Variants in SKAP2 observed in about 807,000 individuals in gnomAD.
SKAP2 encodes the protein src kinase associated phosphoprotein 2, also known as src kinase-associated phosphoprotein 2.
In SKAP2, 28 loss-of-function variants were observed where a neutral mutation model predicts 54.9. That is an observed-to-expected ratio of 0.51 (90% CI 0.38 to 0.70). The LOEUF (loss-of-function observed/expected upper bound fraction) is 0.70, where lower values mean the gene tolerates loss of function less well. Among genes scored for constraint, SKAP2 ranks in the 30% least tolerant of loss-of-function variants. SKAP2 has a pLI of 0.00. For missense variants in SKAP2, 356 were observed against 424.1 expected (o/e 0.84, Z 1.41); for synonymous variants, 137 against 134.3 (o/e 1.02, Z -0.14).
At chr7:26,804,603 G>A (rs888306763) in intron 4 of SKAP2, among the ~76,000 whole-genome samples, 1 of 151,994 alleles carries the variant, frequency 6.6e-6, no homozygotes, top group Admixed American at 6.6e-5. Flanking sequence ...GCCAGGCATG[G>A]TGGCACGCAC....
chr7:26,800,049 A>G (rs1387808224), intron 4 of SKAP2, among the ~76,000 whole-genome samples: 2 of 152,042 alleles, frequency 1.3e-5, no homozygotes, highest in African/African-American at 2.4e-5. Flanking sequence ...GCATGAACCC[A>G]GGAGGTGGAG....
chr7:26,839,248 A>C (rs985368057), intron 4 of SKAP2, among the ~76,000 whole-genome samples: 1 of 152,130 alleles, frequency 6.6e-6, no homozygotes, highest in African/African-American at 2.4e-5. Flanking sequence ...CCAATTGCAC[A>C]ATATATACCT....
intron 4 of SKAP2, among the ~76,000 whole-genome samples, chr7:26,745,496 G>C (rs564252236): frequency 6.4e-4 from 98 of 152,266 alleles, no homozygotes; most frequent in South Asian, 2.7e-3. Context: ...CACCTCCTGG[G>C]GGGAGATAGA....
intron 4 of SKAP2, among the ~76,000 whole-genome samples, chr7:26,763,050 C>T (rs1213018084): frequency 6.6e-6 from 1 of 152,102 alleles, no homozygotes; most frequent in Non-Finnish European, 1.5e-5. Context: ...TCTCACTGAC[C>T]AATTGAAGTT....
At chr7:26,817,384 A>G (rs1784289083) in intron 4 of SKAP2, among the ~76,000 whole-genome samples, 1 of 152,134 alleles carries the variant, frequency 6.6e-6, no homozygotes, top group Non-Finnish European at 1.5e-5. Flanking sequence ...GATAACGGAC[A>G]CTATTAAAAC....
At chr7:26,833,809 G>C (rs1172464897) in intron 4 of SKAP2, among the ~76,000 whole-genome samples, 1 of 152,024 alleles carries the variant, frequency 6.6e-6, no homozygotes, top group African/African-American at 2.4e-5. Flanking sequence ...AATTAACAAG[G>C]ATATTCAGGA....
intron 9 of SKAP2, among the ~76,000 whole-genome samples, chr7:26,709,636 T>G (rs538323707): frequency 4.7e-4 from 72 of 152,318 alleles, no homozygotes; most frequent in African/African-American, 1.7e-3. Context: ...AAATATAAAA[T>G]GTACCATTTG....
intron 9 of SKAP2, among the ~76,000 whole-genome samples, chr7:26,721,325 T>C (rs932028869): frequency 2.0e-5 from 3 of 152,180 alleles, no homozygotes; most frequent in Admixed American, 6.5e-5. Flanking sequence ...TTTGTGTCCA[T>C]TTGCTGTAAA....
chr7:26,758,667 T>TA (rs1782857320), intron 4 of SKAP2, among the ~76,000 whole-genome samples: 1 of 152,150 alleles, frequency 6.6e-6, no homozygotes, highest in Admixed American at 6.6e-5. Flanking sequence ...TGTTGTGACA[T>TA]AAAGAAAACA....
intron 4 of SKAP2, among the ~76,000 whole-genome samples, chr7:26,789,090 G>A (rs1241646084): frequency 6.6e-6 from 1 of 152,090 alleles, no homozygotes; most frequent in Non-Finnish European, 1.5e-5. Context: ...GTTCTACTCT[G>A]TTAGAGTATA....
At chr7:26,752,939 A>C (rs1782716495) in intron 4 of SKAP2, among the ~76,000 whole-genome samples, 1 of 152,146 alleles carries the variant, frequency 6.6e-6, no homozygotes, top group African/African-American at 2.4e-5. Context: ...GCCTGAGTCT[A>C]CTCTTCAGTA....
chr7:26,674,344 T>C (rs945585106), intron 11 of SKAP2, among the ~76,000 whole-genome samples: 1 of 152,214 alleles, frequency 6.6e-6, no homozygotes, highest in African/African-American at 2.4e-5. Flanking sequence ...TGTAATACTA[T>C]GAAAACTAGA....
intron 5 of SKAP2, 33 bp downstream of exon 5, chr7:26,739,854 T>C: frequency 2.0e-6 from 3 of 1,472,974 alleles, no homozygotes; most frequent in Non-Finnish European, 2.8e-6. Flanking sequence ...GATGAAATTA[T>C]TTTTACATTT....
chr7:26,830,503 T>C (rs1420875339), intron 4 of SKAP2, among the ~76,000 whole-genome samples: 3 of 152,284 alleles, frequency 2.0e-5, no homozygotes, highest in African/African-American at 7.2e-5. Context: ...AAATGATCTC[T>C]TTTAACTCAA....
At chr7:26,793,276 G>A (rs1262980604) in intron 4 of SKAP2, among the ~76,000 whole-genome samples, 1 of 152,270 alleles carries the variant, frequency 6.6e-6, no homozygotes, top group Non-Finnish European at 1.5e-5. Flanking sequence ...TCTCCAAAAT[G>A]AGAAAAGGTT....
intron 4 of SKAP2, among the ~76,000 whole-genome samples, chr7:26,798,127 A>G (rs10246641): frequency 0.36 from 53,934 of 151,746 alleles, 9,933 homozygotes; most frequent in African/African-American, 0.42. Context: ...CAAAGGTTAA[A>G]GCATTTAATA....
At position 26,854,775 on chromosome 7, in the gene SKAP2, A is replaced by C. The variant is rs1480141230; in HGVS notation, c.173+10T>G. The C allele has an allele frequency of 6.3e-7, 1 of 1,582,228 alleles. No individual in the cohort carries two copies. The highest frequency in any genetic ancestry group is 8.6e-7 in the Non-Finnish European group (1 of 1,160,388). ...GTAAGAAATCAGTAAACAAAAGGTA[A>C]GTGACTTACATAGACTTTACATCTT... On this transcript the variant is annotated intron_variant, in intron 2 of 12. Coordinates refer to ENST00000345317, the MANE Select transcript of SKAP2 (RefSeq NM_003930.5).
chr7:26,815,270 A>C (rs1293056570), intron 4 of SKAP2, among the ~76,000 whole-genome samples: 1 of 152,188 alleles, frequency 6.6e-6, no homozygotes, highest in African/African-American at 2.4e-5. Context: ...TGAATGAAAC[A>C]GAAAACCTGT....
intron 4 of SKAP2, among the ~76,000 whole-genome samples, chr7:26,768,619 T>C (rs1294949863): frequency 6.6e-6 from 1 of 152,240 alleles, no homozygotes; most frequent in African/African-American, 2.4e-5. Flanking sequence ...CCATGTTTAA[T>C]GCTTCCTTCA....
Sources: allele counts gnomAD v4.1 joint callset (sites outside exome capture counted in the v4.1 genomes callset), GRCh38; gene constraint gnomAD v4.1.1; transcripts MANE v1.5; gene names NCBI Gene and HGNC (gene_info 2026-07-23, HGNC 2026-07-21).